Variants in PARD3 observed in about 807,000 individuals in gnomAD.
The protein encoded by PARD3 is par-3 family cell polarity regulator.
A neutral mutation model predicts 155.4 loss-of-function variants in PARD3; 75 were observed. That is an observed-to-expected ratio of 0.48 (90% CI 0.40 to 0.58). The LOEUF is 0.58. Ranked by LOEUF, PARD3 falls within the 20% of genes least tolerant of loss-of-function variation. The pLI is 0.00. For synonymous variants in PARD3, 576 were observed against 610.5 expected, an observed-to-expected ratio of 0.94 and a Z score of 0.83; for missense variants, 1,642 against 1,721.7, an observed-to-expected ratio of 0.95 and a Z score of 0.82.
chr10:34,422,455 G>A (rs1190487818), intron 5 of PARD3, among the ~76,000 whole-genome samples: 2 of 151,754 alleles, frequency 1.3e-5, no homozygotes, highest in East Asian at 1.9e-4. Flanking sequence ...AAAAGCTTCC[G>A]CATAGCCAAG....
intron 2 of PARD3, among the ~76,000 whole-genome samples, chr10:34,677,844 T>TAA (rs547268989): frequency 6.6e-6 from 1 of 151,820 alleles, no homozygotes; most frequent in Non-Finnish European, 1.5e-5. Flanking sequence ...AAAGTAAAAA[T>TAA]AAAAAAAGCA....
chr10:34,740,931 T>C (rs1190240092), intron 1 of PARD3, among the ~76,000 whole-genome samples: 1 of 152,172 alleles, frequency 6.6e-6, no homozygotes, highest in African/African-American at 2.4e-5. Context: ...ACAGGTAATG[T>C]TGGTGTCTCA....
At chr10:34,636,957 C>T (rs1029948495) in intron 2 of PARD3, among the ~76,000 whole-genome samples, 1 of 152,116 alleles carries the variant, frequency 6.6e-6, no homozygotes, top group Non-Finnish European at 1.5e-5. Flanking sequence ...AGCTCTGTTA[C>T]GGAGCAAGAA....
chr10:34,683,073 A>T (rs1026766248), intron 2 of PARD3, among the ~76,000 whole-genome samples: 7 of 152,208 alleles, frequency 4.6e-5, no homozygotes, highest in Non-Finnish European at 1.0e-4. Flanking sequence ...CTCATAATGA[A>T]ATCATGTCCT....
chr10:34,197,379 C>G (rs2133308954), intron 22 of PARD3, among the ~76,000 whole-genome samples: 1 of 152,232 alleles, frequency 6.6e-6, no homozygotes, highest in South Asian at 2.1e-4. Flanking sequence ...ACTCCTAGTT[C>G]AGAATGAACA....
chr10:34,127,514 T>C (rs561093257), intron 23 of PARD3, among the ~76,000 whole-genome samples: 1 of 152,176 alleles, frequency 6.6e-6, no homozygotes, highest in Non-Finnish European at 1.5e-5. Flanking sequence ...CTGAGGGCAT[T>C]TTTTCTTTTC....
rs548326716 is a variant in PARD3, at chr10:34,638,242, A to G, written c.222+58076T>C. ...TTCACAGTAAGTCATGAAGCCACCA[A>G]TAAGAAACTGCCATGCTTTCTTCTT... On this transcript the variant is annotated intron_variant, in intron 2 of 24. Coordinates refer to ENST00000374788, the MANE Select transcript of PARD3 (RefSeq NM_001184785.2). 1.4e-4 allele frequency among the ~76,000 whole-genome samples: 22 copies of G among 152,324 alleles called. No individual in the cohort carries two copies. The East Asian group carries it at 3.5e-3, about 24-fold the overall frequency.
intron 7 of PARD3, among the ~76,000 whole-genome samples, chr10:34,396,505 G>A (rs1481491762): frequency 6.6e-6 from 1 of 152,080 alleles, no homozygotes; most frequent in Non-Finnish European, 1.5e-5. Flanking sequence ...AGGTGGTCTG[G>A]GTTGTGTTCC....
chr10:34,506,735 A>C (rs1038237958), intron 3 of PARD3, among the ~76,000 whole-genome samples: 1 of 152,222 alleles, frequency 6.6e-6, no homozygotes, highest in Non-Finnish European at 1.5e-5. Flanking sequence ...TTTATGGATG[A>C]AAAATGTCAA....
chr10:34,203,088 T>A (rs920433002), intron 22 of PARD3, among the ~76,000 whole-genome samples: 1 of 152,156 alleles, frequency 6.6e-6, no homozygotes, highest in African/African-American at 2.4e-5. Context: ...CCATCCCCAG[T>A]TTCTCGCTCT....
At chr10:34,451,995 T>C (rs1370458864) in intron 4 of PARD3, among the ~76,000 whole-genome samples, 4 of 152,074 alleles carry the variant, frequency 2.6e-5, no homozygotes, top group African/African-American at 9.7e-5. Context: ...TAATAAGAAA[T>C]TCAGATAAGT....
At chr10:34,279,787 A>G (rs1956074771) in intron 21 of PARD3, among the ~76,000 whole-genome samples, 1 of 152,200 alleles carries the variant, frequency 6.6e-6, no homozygotes, top group Non-Finnish European at 1.5e-5. Flanking sequence ...CAGATAGTTC[A>G]ACGGTCTGGT....
intron 1 of PARD3, among the ~76,000 whole-genome samples, chr10:34,809,999 C>CA (rs2134417535): frequency 7.2e-6 from 1 of 139,142 alleles, no homozygotes; most frequent in East Asian, 2.0e-4. Flanking sequence ...CAAGATTTTT[C>CA]ATAAAAACCA....
At chr10:34,309,620 A>C (rs2134077645) in intron 20 of PARD3, among the ~76,000 whole-genome samples, 1 of 150,714 alleles carries the variant, frequency 6.6e-6, no homozygotes, top group Admixed American at 6.6e-5. Flanking sequence ...AGAAGAGAGA[A>C]GAAATAATTA....
intron 2 of PARD3, among the ~76,000 whole-genome samples, chr10:34,562,478 A>G (rs1043056633): frequency 6.6e-6 from 1 of 151,946 alleles, no homozygotes; most frequent in Non-Finnish European, 1.5e-5. Flanking sequence ...GCTCCCATCT[A>G]CCACATTTCC....
At chr10:34,295,140 G>A (rs1160905575) in intron 20 of PARD3, among the ~76,000 whole-genome samples, 1 of 152,140 alleles carries the variant, frequency 6.6e-6, no homozygotes, top group African/African-American at 2.4e-5. Context: ...TCTTTGTGCT[G>A]TGGTTTCTCT....
intron 22 of PARD3, among the ~76,000 whole-genome samples, chr10:34,146,879 T>A (rs1440368496): frequency 6.6e-6 from 1 of 152,190 alleles, no homozygotes; most frequent in Non-Finnish European, 1.5e-5. Context: ...CAGTAGATAT[T>A]GTAGTTTTGT....
At chr10:34,565,157 C>A (rs980759112) in intron 2 of PARD3, among the ~76,000 whole-genome samples, 1 of 147,872 alleles carries the variant, frequency 6.8e-6, no homozygotes, top group Non-Finnish European at 1.5e-5. Flanking sequence ...ATCTAGTAGC[C>A]AAGTATACTT....
intron 23 of PARD3, among the ~76,000 whole-genome samples, chr10:34,124,887 G>A (rs1351510889): frequency 6.6e-6 from 1 of 152,120 alleles, no homozygotes; most frequent in Non-Finnish European, 1.5e-5. Flanking sequence ...GCAACCCAAG[G>A]TAGCTTCAGG....
Sources: allele counts gnomAD v4.1 joint callset (sites outside exome capture counted in the v4.1 genomes callset), GRCh38; gene constraint gnomAD v4.1.1; transcripts MANE v1.5; gene names NCBI Gene and HGNC (gene_info 2026-07-23, HGNC 2026-07-21).